The following CMYA5 variants were observed in gnomAD, a reference collection of about 807,000 sequenced individuals.
CMYA5 encodes the protein cardiomyopathy-associated protein 5.
CMYA5 carries 246 observed loss-of-function variants against 318.9 expected under a neutral mutation model. The ratio of observed to expected loss-of-function variants is 0.77; its 90% CI spans 0.70 to 0.86. The LOEUF (loss-of-function observed/expected upper bound fraction) is 0.86, where lower values mean the gene tolerates loss of function less well. CMYA5 is among the 40% of genes least tolerant of loss of function. The probability of loss-of-function intolerance (pLI) is 0.00; values close to 1 mark genes in which losing one functional copy is unlikely to be tolerated. For synonymous variants in CMYA5, 1,641 were observed against 1,729.5 expected (o/e 0.95, Z 1.27); for missense variants, 4,589 against 4,678.2 (o/e 0.98, Z 0.56).
chr5:79,733,125 A>C lies in CMYA5; in HGVS notation c.4360A>C (p.Ile1454Leu), dbSNP rs371207348. ...KFDSLPSVSS[I>L]AEHSVLSEVE... ...TGATTCACTTCCAAGTGTCTCCTCT[A>C]TAGCAGAGCATTCTGTTTTGTCAGA... is the stretch of plus-strand genomic sequence containing the variant. Residue 1454 changes from isoleucine (I) to leucine (L), a missense_variant, in exon 2 of 13, where the codon ATA becomes CTA. Ile to Leu is a conservative substitution (Grantham distance 5). Around this residue, in one of 3 missense-constraint regions of CMYA5, gnomAD observed 2,132 missense variants for 2,131.3 expected, o/e 1.00. Transcript: ENST00000446378. The C allele has an allele frequency of 8.7e-6, 14 of 1,613,702 alleles. No individual in the cohort carries two copies. In the African/African-American group the frequency reaches 1.9e-4, roughly 22 times the overall value.
chr5:79,689,878 T>TCCGGCC lies in CMYA5; in HGVS notation c.-22_-17dup, dbSNP rs199864203. On this transcript the variant is annotated 5_prime_UTR_variant, in exon 1 of 13. Transcript: ENST00000446378. ...CAGGCGCGGCGCGGGCGGCTCCGGCTCCGGCCCCGGCCCAGGCCCGGGAGA... is the reference window on the plus strand; with the variant it reads ...CAGGCGCGGCGCGGGCGGCTCCGGCTCCGGCCCCGGCCCCGGCCCAGGCCCGGGAGA... The TCCGGCC allele has an allele frequency of 0.023, 16,350 of 697,486 alleles. 1,779 individuals carry two copies. The African/African-American group carries it at 0.25, about 11-fold the overall frequency. The allele number at this position is 697,486 out of a possible 1,614,324, so 43.2% of individuals were successfully genotyped here.
At chr5:79,692,251 C>T (rs920095923) in intron 1 of CMYA5, among the ~76,000 whole-genome samples, 1 of 152,154 alleles carries the variant, frequency 6.6e-6, no homozygotes, top group Admixed American at 6.5e-5. Flanking sequence ...TTGGAATGCC[C>T]TTGCTGAAAG....
Position 79,733,056 on chromosome 5 carries a change from T to C in CMYA5, c.4291T>C (p.Ser1431Pro), listed in dbSNP as rs373217660. ...AGGTGCTTCTCCCATTGAAACTTCA[T>C]CCAAACATTTAGCTTGGTCAGAAGC... Reference protein sequence around the residue: ...IKGASPIETSSKHLAWSEAEK... With the variant: ...IKGASPIETSPKHLAWSEAEK... Residue 1431 changes from serine (S) to proline (P), a missense_variant, in exon 2 of 13, where the codon TCC becomes CCC. This residue lies in a region of CMYA5 where 2,132 missense variants were observed against 2,131.3 expected (regional missense o/e 1.00). Coordinates refer to ENST00000446378, the MANE Select transcript of CMYA5 (RefSeq NM_153610.5). 46 of 1,613,378 alleles carry C rather than the reference T, an allele frequency of 2.9e-5. No homozygotes were observed. The African/African-American group carries it at 5.6e-4, about 20-fold the overall frequency.
chr5:79,723,912 G>A (rs1827696002), intron 1 of CMYA5, among the ~76,000 whole-genome samples: 1 of 152,154 alleles, frequency 6.6e-6, no homozygotes, highest in Non-Finnish European at 1.5e-5. Flanking sequence ...CAGCCATGTT[G>A]AGTTCAGTTC....
In CMYA5 at chr5:79,735,153, A is replaced by T; in HGVS notation, c.6388A>T (p.Thr2130Ser). The change falls in exon 2 of 13, where the codon ACA becomes TCA. Residue 2130 changes from threonine (T) to serine (S), a missense_variant. By Grantham distance (58) the Thr-to-Ser change is moderately conservative. Around this residue, in one of 3 missense-constraint regions of CMYA5, gnomAD observed 2,431 missense variants for 2,495.1 expected, o/e 0.97. Coordinates refer to ENST00000446378, the MANE Select transcript of CMYA5 (RefSeq NM_153610.5). ...KKPSPEVKIP[T>S]QRKPISSIHA... ...ACCATCACCTGAAGTAAAAATACCC[A>T]CACAAAGAAAACCCATCTCCTCAAT... 1 of 1,613,608 alleles carries T rather than the reference A, an allele frequency of 6.2e-7. No homozygotes were observed. Among genetic ancestry groups the T allele is most frequent in the South Asian group, 1.1e-5 (1 of 91,044 alleles).
At chr5:79,697,269 C>T (rs1395127840) in intron 1 of CMYA5, among the ~76,000 whole-genome samples, 1 of 152,192 alleles carries the variant, frequency 6.6e-6, no homozygotes, top group African/African-American at 2.4e-5. Context: ...AAGTCCCAGT[C>T]GCTGAAGCCT....
chr5:79,745,117 G>T (rs544811255), intron 3 of CMYA5, 105 bp from the exon 4 acceptor site: 26 of 683,338 alleles, frequency 3.8e-5, no homozygotes, highest in Admixed American at 2.0e-4. Context: ...CTCTGATCAG[G>T]ATGCCAGAGG....
chr5:79,701,894 G>A (rs912360152), intron 1 of CMYA5, among the ~76,000 whole-genome samples: 2 of 152,080 alleles, frequency 1.3e-5, no homozygotes, highest in South Asian at 4.2e-4. Context: ...TTGGGAGGCC[G>A]AGGCGGGTGG....
chr5:79,732,753 G>A lies in CMYA5; in HGVS notation c.3988G>A (p.Gly1330Ser), dbSNP rs1827947660. Residue 1330 changes from glycine (G) to serine (S), a missense_variant, in exon 2 of 13, where the codon GGT becomes AGT. By Grantham distance (56) the Gly-to-Ser change is moderately conservative (BLOSUM62 0). Coordinates refer to ENST00000446378, the MANE Select transcript of CMYA5 (RefSeq NM_153610.5). ...SSGVEKQVEH[G>S]PPALAFSALS... ...AGGAGTGGAAAAGCAAGTTGAACATGGTCCACCTGCACTAGCATTTTCAGC... is the reference window on the plus strand; with the variant it reads ...AGGAGTGGAAAAGCAAGTTGAACATAGTCCACCTGCACTAGCATTTTCAGC... 2 of 1,613,698 alleles carry A rather than the reference G, an allele frequency of 1.2e-6. No individual in the cohort carries two copies. The highest frequency in any genetic ancestry group is 1.7e-6 in the Non-Finnish European group (2 of 1,179,794).
At chr5:79,742,842 C>A (rs1299371146) in intron 2 of CMYA5, among the ~76,000 whole-genome samples, 1 of 151,986 alleles carries the variant, frequency 6.6e-6, no homozygotes, top group Non-Finnish European at 1.5e-5. Flanking sequence ...AGAAACTAAC[C>A]TTTTGGGAGT....
At chr5:79,787,135 G>A (rs73125680) in intron 9 of CMYA5, among the ~76,000 whole-genome samples, 3,951 of 152,240 alleles carry the variant, frequency 0.026, 168 homozygotes, top group African/African-American at 0.089. Flanking sequence ...TAACAACTGT[G>A]TTGTTATAAA....
At position 79,731,659 on chromosome 5, in the gene CMYA5, C is replaced by T; in HGVS notation, c.2894C>T (p.Ala965Val). ...FSFPPYATQE[A>V]EKREFECDSP... Reference sequence around the variant, plus strand: ...TTTCCACCGTATGCAACCCAGGAAGCAGAGAAAAGAGAATTTGAGTGCGAT... The same window carrying T: ...TTTCCACCGTATGCAACCCAGGAAGTAGAGAAAAGAGAATTTGAGTGCGAT... The change falls in exon 2 of 13, where the codon GCA (alanine) becomes GTA (valine). Residue 965 changes from alanine to valine, a missense_variant. Physicochemically the swap from Ala to Val is moderately conservative, Grantham distance 64. Coordinates refer to ENST00000446378, the MANE Select transcript of CMYA5 (RefSeq NM_153610.5). 6.2e-7 allele frequency: 1 copy of T among 1,613,936 alleles called. No individual in the cohort carries two copies. The highest frequency in any genetic ancestry group is 8.5e-7 in the Non-Finnish European group (1 of 1,179,860).
chr5:79,721,497 A>G (rs1827628979), intron 1 of CMYA5, among the ~76,000 whole-genome samples: 1 of 152,238 alleles, frequency 6.6e-6, no homozygotes. Context: ...AGCTCTATTT[A>G]AATGGTCAGA....
intron 6 of CMYA5, among the ~76,000 whole-genome samples, chr5:79,753,194 G>A (rs1561219768): frequency 6.6e-6 from 1 of 151,932 alleles, no homozygotes; most frequent in Non-Finnish European, 1.5e-5. Context: ...TTTATGAGTG[G>A]TTTTCCCCTC....
In CMYA5 at chr5:79,696,910, G is replaced by A. The variant is rs187115909; in HGVS notation, c.149+6854G>A. Among the ~76,000 whole-genome samples the A allele has an allele frequency of 1.6e-4, 25 of 152,186 alleles. No homozygotes were observed. In the East Asian group the frequency reaches 4.5e-3, roughly 27 times the overall value. ...TAATCCCAGCTACTTGGGAGGCTGA[G>A]GCAGGAGAAGCACTTGAACCCGGGA... On this transcript the variant is annotated intron_variant, in intron 1 of 12. Transcript: ENST00000446378.
chr5:79,799,372 A>G lies in CMYA5; in HGVS notation c.11966A>G (p.Tyr3989Cys), dbSNP rs780784201. 1.3e-6 allele frequency: 2 copies of G among 1,588,434 alleles called. No homozygotes were observed. The highest frequency in any genetic ancestry group is 1.7e-6 in the Non-Finnish European group (2 of 1,160,736). The change falls in exon 13 of 13, where the codon TAC becomes TGC. Residue 3989 changes from tyrosine to cysteine, a missense_variant and splice_region_variant. Around this residue, in one of 3 missense-constraint regions of CMYA5, gnomAD observed 2,431 missense variants for 2,495.1 expected, o/e 0.97. Transcript: ENST00000446378. ...WYMHCSEPQRYTFFYSGIVSD... is the reference protein window; with the variant it reads ...WYMHCSEPQRCTFFYSGIVSD... ...TTTCCCATTCGCTTTCATTTCAGATACACATTTTTCTACAGTGGTATTGTG... is the reference window on the plus strand; with the variant it reads ...TTTCCCATTCGCTTTCATTTCAGATGCACATTTTTCTACAGTGGTATTGTG...
intron 1 of CMYA5, among the ~76,000 whole-genome samples, chr5:79,726,770 T>G (rs113575439): frequency 7.9e-5 from 12 of 152,156 alleles, no homozygotes; most frequent in African/African-American, 2.9e-4. Flanking sequence ...ACTCTGAAGC[T>G]TAATAAGGGA....
chr5:79,731,173 C>T lies in CMYA5; in HGVS notation c.2408C>T (p.Ala803Val), dbSNP rs1400783529. Reference sequence around the variant, plus strand: ...TCAAAGTTGATCTCCAAATATGCAGCCCCACTCAATGCAACACAGGAATCT... The same window carrying T: ...TCAAAGTTGATCTCCAAATATGCAGTCCCACTCAATGCAACACAGGAATCT... ...PDSKLISKYA[A>V]PLNATQESQK... The change falls in exon 2 of 13, where the codon GCC becomes GTC. Residue 803 changes from alanine (A) to valine (V), a missense_variant. This residue lies in a region of CMYA5 where 2,132 missense variants were observed against 2,131.3 expected (regional missense o/e 1.00). Transcript: ENST00000446378. 9.9e-6 allele frequency: 16 copies of T among 1,614,032 alleles called. No individual in the cohort carries two copies. The highest frequency in any genetic ancestry group is 1.1e-5 in the Non-Finnish European group (13 of 1,179,900).
chr5:79,732,695 A>G lies in CMYA5; in HGVS notation c.3930A>G (p.Thr1310=). ...AGATGAAACATGATTCCAAAATAACAACTACACCTATAGTGCTTCATTCAG... is the reference window on the plus strand; with the variant it reads ...AGATGAAACATGATTCCAAAATAACGACTACACCTATAGTGCTTCATTCAG... The part of the protein sequence containing the change: ...KMEMKHDSKI[T]TTPIVLHSAS... Residue 1310 remains threonine, a synonymous_variant, in exon 2 of 13, where the codon ACA becomes ACG. Transcript: ENST00000446378. 1.2e-6 allele frequency: 2 copies of G among 1,613,500 alleles called. No homozygotes were observed. The highest frequency in any genetic ancestry group is 1.7e-6 in the Non-Finnish European group (2 of 1,179,740).
Sources: allele counts gnomAD v4.1 joint callset (sites outside exome capture counted in the v4.1 genomes callset), GRCh38; gene constraint gnomAD v4.1.1; regional missense constraint gnomAD v4.1.1; transcripts MANE v1.5; gene names NCBI Gene and HGNC (gene_info 2026-07-23, HGNC 2026-07-21).